TRIM51G: variants seen among roughly 807,000 people sequenced by gnomAD.
The protein encoded by TRIM51G is tripartite motif-containing protein 51G.
chr11:48,976,218 A>T, the TRIM51G span, among the ~76,000 whole-genome samples: 1 of 152,142 alleles, frequency 6.6e-6, no homozygotes, highest in Non-Finnish European at 1.5e-5. Context: ...TTTATTGAAA[A>T]CTTAAAAACT....
chr11:48,979,354 C>A, the TRIM51G span, among the ~76,000 whole-genome samples: 8 of 152,120 alleles, frequency 5.3e-5, no homozygotes, highest in Non-Finnish European at 8.8e-5. Flanking sequence ...TCTTCCACAC[C>A]ACATTTATAG....
the TRIM51G span, chr11:48,981,239 T>C: frequency 6.3e-7 from 1 of 1,598,464 alleles, no homozygotes; most frequent in African/African-American, 1.3e-5. Context: ...CTGACAAGAA[T>C]TCCATGTGTC....
At chr11:48,981,232 A>C in the TRIM51G span, 1 of 1,596,956 alleles carries the variant, frequency 6.3e-7, no homozygotes, top group East Asian at 2.2e-5. Context: ...AAATAGGCTG[A>C]CAAGAATTCC....
At chr11:48,979,644 A>ACTGCACAT in the TRIM51G span, among the ~76,000 whole-genome samples, 1 of 152,040 alleles carries the variant, frequency 6.6e-6, no homozygotes, top group African/African-American at 2.4e-5. Flanking sequence ...ATTAAATATT[A>ACTGCACAT]CTGCACATGC....
the TRIM51G span, among the ~76,000 whole-genome samples, chr11:48,976,843 A>T: frequency 1.3e-5 from 2 of 152,078 alleles, no homozygotes; most frequent in Non-Finnish European, 2.9e-5. Context: ...ATGTCATTAC[A>T]TTTACCCAAT....
the TRIM51G span, among the ~76,000 whole-genome samples, chr11:48,979,348 C>T: frequency 6.6e-6 from 1 of 152,110 alleles, no homozygotes; most frequent in South Asian, 2.1e-4. Context: ...TTTCTCTCTT[C>T]CACACCACAT....
At chr11:48,983,550 A>C in the TRIM51G span, among the ~76,000 whole-genome samples, 2 of 151,932 alleles carry the variant, frequency 1.3e-5, no homozygotes, top group African/African-American at 4.8e-5. Flanking sequence ...TTTTTCAAAA[A>C]TATATTAAAA....
the TRIM51G span, chr11:48,981,257 G>C: frequency 6.2e-7 from 1 of 1,601,814 alleles, no homozygotes; most frequent in Admixed American, 1.7e-5. Context: ...GTCCTGTATA[G>C]AAATAGATCT....
the TRIM51G span, among the ~76,000 whole-genome samples, chr11:48,983,711 T>C: frequency 1.3e-5 from 2 of 152,084 alleles, no homozygotes; most frequent in South Asian, 2.1e-4. Context: ...AAGAGAGAAA[T>C]AATTTTCTCC....
At chr11:48,981,841 A>G in the TRIM51G span, 6 of 933,284 alleles carry the variant, frequency 6.4e-6, no homozygotes, top group Non-Finnish European at 8.2e-6. Flanking sequence ...AACAAAAATG[A>G]AAAATTCATA....
At chr11:48,977,702 A>G in the TRIM51G span, among the ~76,000 whole-genome samples, 2 of 152,138 alleles carry the variant, frequency 1.3e-5, no homozygotes, top group Non-Finnish European at 2.9e-5. Context: ...TAAACTAGAA[A>G]TCATCAACAC....
the TRIM51G span, among the ~76,000 whole-genome samples, chr11:48,978,486 ATAT>A: frequency 1.3e-5 from 2 of 152,152 alleles, no homozygotes; most frequent in Admixed American, 1.3e-4. Context: ...CCCCAACATA[ATAT>A]TAGTGTGATC....
At chr11:48,976,908 T>A in the TRIM51G span, among the ~76,000 whole-genome samples, 1 of 152,216 alleles carries the variant, frequency 6.6e-6, no homozygotes, top group South Asian at 2.1e-4. Context: ...TATGTTTTAC[T>A]CTTCATGTTA....
the TRIM51G span, among the ~76,000 whole-genome samples, chr11:48,976,154 A>C: frequency 6.6e-6 from 1 of 152,270 alleles, no homozygotes; most frequent in East Asian, 1.9e-4. Flanking sequence ...AAGTATAAGG[A>C]TGATTAATAT....
chr11:48,975,877 C>T, the TRIM51G span: 3 of 875,320 alleles, frequency 3.4e-6, no homozygotes, highest in Non-Finnish European at 5.8e-6. Context: ...TTGAAGAAAA[C>T]ATTCAGATTT....
At chr11:48,981,672 G>C in the TRIM51G span, 2 of 1,599,284 alleles carry the variant, frequency 1.3e-6, no homozygotes, top group South Asian at 2.2e-5. Context: ...CCCTCTGGAA[G>C]ACTTGCAAGA....
the TRIM51G span, chr11:48,981,181 G>A: frequency 6.6e-7 from 1 of 1,525,634 alleles, no homozygotes. Context: ...TAACAGACAT[G>A]TTTAAGGGGG....
the TRIM51G span, chr11:48,975,676 G>A: frequency 1.4e-6 from 2 of 1,467,410 alleles, no homozygotes; most frequent in Non-Finnish European, 1.9e-6. Flanking sequence ...AAGTGGGGAG[G>A]TGGTAAAGAG....
the TRIM51G span, among the ~76,000 whole-genome samples, chr11:48,977,605 A>T: frequency 6.6e-6 from 1 of 152,130 alleles, no homozygotes; most frequent in African/African-American, 2.4e-5. Flanking sequence ...ATCTGCCTTT[A>T]ATAGTTGAGG....
Sources: gnomAD v4.1 joint callset for allele counts (sites outside exome capture counted in the v4.1 genomes callset) on GRCh38, gnomAD v4.1.1 for gene constraint, MANE v1.5 for transcripts, NCBI Gene and HGNC (gene_info 2026-07-23, HGNC 2026-07-21) for gene names.